Variants in TMTC2 observed in about 807,000 individuals in gnomAD.
TMTC2 encodes the protein protein O-mannosyl-transferase TMTC2.
A neutral mutation model predicts 82.4 loss-of-function variants in TMTC2; 43 were observed. The observed-to-expected ratio is 0.52, with a 90% CI of 0.41 to 0.67. The LOEUF is 0.67. TMTC2 is among the 30% of genes least tolerant of loss of function. The probability of loss-of-function intolerance (pLI) is 0.00; values close to 1 mark genes in which losing one functional copy is unlikely to be tolerated. For synonymous variants in TMTC2, 408 were observed against 381.9 expected (o/e 1.07, Z -0.80); for missense variants, 919 against 1,012.4 (o/e 0.91, Z 1.25).
At chr12:82,890,116 G>A (rs1873321381) in intron 2 of TMTC2, among the ~76,000 whole-genome samples, 1 of 152,014 alleles carries the variant, frequency 6.6e-6, no homozygotes, top group South Asian at 2.1e-4. Flanking sequence ...TATCTCTTTA[G>A]TTTTGCACTT....
chr12:82,769,632 A>AT (rs1378308966), intron 1 of TMTC2, among the ~76,000 whole-genome samples: 8 of 151,996 alleles, frequency 5.3e-5, no homozygotes, highest in African/African-American at 1.7e-4. Context: ...TTATTTTGAA[A>AT]TGGAGTCTTG....
At chr12:82,811,939 C>T (rs1452015179) in intron 1 of TMTC2, among the ~76,000 whole-genome samples, 1 of 151,356 alleles carries the variant, frequency 6.6e-6, no homozygotes, top group African/African-American at 2.4e-5. Flanking sequence ...GCTTCAGTCC[C>T]CCCGAGCAGC....
rs539624862 is a variant in TMTC2 at position 82,885,838 on chromosome 12, A to G, written c.655-9980A>G. Among the ~76,000 whole-genome samples, 13 of 152,196 alleles carry G rather than the reference A, an allele frequency of 8.5e-5. No homozygotes were observed. The South Asian group carries it at 2.7e-3, about 32-fold the overall frequency. ...TCCACCGTAAAGTTACTTTCTCCCC[A>G]CATCTTCCCACCCAACCAGTTCATA... On this transcript the variant is annotated intron_variant, in intron 2 of 11. Transcript: ENST00000321196.
chr12:82,932,803 T>C (rs750258876), intron 4 of TMTC2, among the ~76,000 whole-genome samples: 5 of 152,202 alleles, frequency 3.3e-5, no homozygotes, highest in Non-Finnish European at 7.3e-5. Context: ...CAATAGTCCC[T>C]GGTTAAAACG....
intron 1 of TMTC2, among the ~76,000 whole-genome samples, chr12:82,791,566 C>A (rs1469907811): frequency 1.3e-5 from 2 of 152,118 alleles, no homozygotes; most frequent in African/African-American, 4.8e-5. Flanking sequence ...AACTCCACTG[C>A]AAGATAACTT....
rs375497282 is a variant in TMTC2 at position 83,049,809 on chromosome 12, A to C, written c.2153-1095A>C. ...GTATAAGCCTTCCCTTTTCTCTGCA[A>C]CCTTGCCAGCATCTGTTATTTTTTG... On this transcript the variant is annotated intron_variant, in intron 9 of 11. Transcript: ENST00000321196. 2.0e-5 allele frequency among the ~76,000 whole-genome samples: 3 copies of C among 152,276 alleles called. No homozygotes were observed. The South Asian group carries it at 6.2e-4, about 32-fold the overall frequency.
chr12:83,056,867 C>T (rs1248627050), intron 10 of TMTC2, among the ~76,000 whole-genome samples: 2 of 151,918 alleles, frequency 1.3e-5, no homozygotes, highest in East Asian at 3.9e-4. Context: ...TGTGCCTTTC[C>T]GGTATTAACA....
chr12:82,971,775 A>G (rs1335484182), intron 7 of TMTC2, among the ~76,000 whole-genome samples: 2 of 150,244 alleles, frequency 1.3e-5, no homozygotes, highest in African/African-American at 4.9e-5. Flanking sequence ...TTGTCATTTC[A>G]GTCTATAATA....
intron 1 of TMTC2, among the ~76,000 whole-genome samples, chr12:82,775,249 G>C (rs1478953686): frequency 6.6e-6 from 1 of 151,990 alleles, no homozygotes; most frequent in African/African-American, 2.4e-5. Context: ...AGGAGTTTGA[G>C]ACCGGCCTGG....
chr12:83,117,613 G>A (rs1056135400), intron 11 of TMTC2, among the ~76,000 whole-genome samples: 3 of 152,026 alleles, frequency 2.0e-5, no homozygotes, highest in African/African-American at 7.2e-5. Context: ...TGTTCTTTTT[G>A]CTTTGTCTTG....
intron 7 of TMTC2, among the ~76,000 whole-genome samples, chr12:82,985,592 T>G (rs1879120183): frequency 6.6e-6 from 1 of 152,062 alleles, no homozygotes; most frequent in African/African-American, 2.4e-5. Context: ...AACAAAAGAA[T>G]AAAGAACAAA....
intron 11 of TMTC2, among the ~76,000 whole-genome samples, chr12:83,066,600 A>C (rs569111960): frequency 6.6e-6 from 1 of 152,150 alleles, no homozygotes; most frequent in African/African-American, 2.4e-5. Context: ...TGGGAGATAC[A>C]GCCTTGGGAA....
intron 1 of TMTC2, among the ~76,000 whole-genome samples, chr12:82,750,578 G>T (rs1424255228): frequency 2.0e-5 from 3 of 152,088 alleles, no homozygotes; most frequent in Non-Finnish European, 2.9e-5. Flanking sequence ...TAAGTGCTTT[G>T]TATGAACTGG....
intron 1 of TMTC2, among the ~76,000 whole-genome samples, chr12:82,845,215 C>G (rs1314992229): frequency 1.4e-4 from 14 of 97,622 alleles, no homozygotes; most frequent in Non-Finnish European, 2.5e-4. Flanking sequence ...GGTGACAGAG[C>G]GTGACTGTCT....
chr12:82,974,766 C>G (rs1284053917), intron 7 of TMTC2, among the ~76,000 whole-genome samples: 2 of 152,128 alleles, frequency 1.3e-5, no homozygotes, highest in Non-Finnish European at 2.9e-5. Context: ...GCATGGACAG[C>G]CTTGTAGAAA....
intron 9 of TMTC2, among the ~76,000 whole-genome samples, chr12:83,034,594 A>G (rs544712292): frequency 6.6e-6 from 1 of 152,268 alleles, no homozygotes; most frequent in Non-Finnish European, 1.5e-5. Flanking sequence ...CAATGTTTTC[A>G]TCAAGAGATG....
chr12:83,065,027 T>C (rs1189204944), intron 11 of TMTC2, among the ~76,000 whole-genome samples: 1 of 151,936 alleles, frequency 6.6e-6, no homozygotes, highest in Non-Finnish European at 1.5e-5. Context: ...CATTTTCTTC[T>C]ATTTTTAAGT....
chr12:82,986,368 T>C (rs1321581688), intron 8 of TMTC2: 1 of 213,454 alleles, frequency 4.7e-6, no homozygotes, highest in East Asian at 9.6e-5. Flanking sequence ...CTGTATCCCA[T>C]AAATATATGC....
intron 1 of TMTC2, among the ~76,000 whole-genome samples, chr12:82,842,457 G>A (rs961092277): frequency 6.6e-6 from 1 of 152,086 alleles, no homozygotes; most frequent in African/African-American, 2.4e-5. Flanking sequence ...GCAGTTCAAC[G>A]AGTCATCAAA....
Sources: gnomAD v4.1 joint callset for allele counts (sites outside exome capture counted in the v4.1 genomes callset) on GRCh38, gnomAD v4.1.1 for gene constraint, MANE v1.5 for transcripts, NCBI Gene and HGNC (gene_info 2026-07-23, HGNC 2026-07-21) for gene names.